The following LHX9 variants were observed in gnomAD, a reference collection of about 807,000 sequenced individuals.
LHX9 encodes the protein LIM/homeobox protein Lhx9.
A neutral mutation model predicts 36.5 loss-of-function variants in LHX9; 9 were observed. The ratio of observed to expected loss-of-function variants is 0.25; its 90% confidence interval spans 0.15 to 0.43. The LOEUF is 0.43. LHX9 is among the 20% of genes least tolerant of loss of function. The probability of loss-of-function intolerance (pLI) is 1.00; values close to 1 mark genes in which losing one functional copy is unlikely to be tolerated. For synonymous variants in LHX9, 211 were observed against 212.1 expected, an observed-to-expected ratio of 0.99 and a Z score of 0.04; for missense variants, 464 against 526.4, an observed-to-expected ratio of 0.88 and a Z score of 1.16.
At position 197,919,139 on chromosome 1, in the gene LHX9, A is replaced by G. The variant is rs75914680; in HGVS notation, c.175-833A>G. Among the ~76,000 whole-genome samples, 80 of 152,342 alleles carry G rather than the reference A, an allele frequency of 5.3e-4. No homozygotes were observed. In the East Asian group the frequency reaches 0.015, roughly 29 times the overall value. On this transcript the variant is annotated intron_variant, in intron 1 of 4. Coordinates refer to ENST00000367387, the MANE Select transcript of LHX9 (RefSeq NM_020204.3). ...CCCTTTTTCTGGTCATCACTTTTAA[A>G]AACAAATAGTAGCAACCCAAACCCA... is the stretch of plus-strand genomic sequence containing the variant.
intron 1 of LHX9, chr1:197,918,262 G>A (rs1385348604): frequency 2.8e-6 from 2 of 716,426 alleles, no homozygotes; most frequent in Non-Finnish European, 2.6e-6. Flanking sequence ...GGTGGGATGG[G>A]GGGTGGTGGC....
In LHX9 at chr1:197,934,609, C is replaced by A. The variant is rs1019865710; in HGVS notation, c.*5350C>A. ...CACAGTAGGACTTAGTCCAAATTGA[C>A]GAAATATCATTGAATTTTCTTTGAA... On this transcript the variant is annotated 3_prime_UTR_variant, in exon 5 of 5. Transcript: ENST00000367387. 1.3e-5 allele frequency: 2 copies of A among 152,020 alleles called. No individual in the cohort carries two copies. The highest frequency in any genetic ancestry group is 4.8e-5 in the African/African-American group (2 of 41,402). The allele number at this position is 152,020 out of a possible 1,614,324, so 9.4% of individuals were successfully genotyped here.
chr1:197,925,588 A>T (rs1233845887), intron 3 of LHX9, among the ~76,000 whole-genome samples: 2 of 152,156 alleles, frequency 1.3e-5, no homozygotes, highest in Non-Finnish European at 2.9e-5. Context: ...TACTGGAGAT[A>T]AGTATAGTTT....
intron 4 of LHX9, 41 bp downstream of exon 4, chr1:197,927,834 C>T: frequency 6.5e-7 from 1 of 1,545,570 alleles, no homozygotes; most frequent in Non-Finnish European, 8.9e-7. Context: ...CATTTCCCTT[C>T]CCCTTCCCAG....
chr1:197,919,920 G>C (rs768644396), intron 1 of LHX9, 52 bp from the exon 2 acceptor site: 27 of 1,587,706 alleles, frequency 1.7e-5, no homozygotes, highest in East Asian at 2.2e-5. Flanking sequence ...ACCCCGCGTC[G>C]TGCGGCTACA....
At position 197,917,486 on chromosome 1, in the gene LHX9, T is replaced by G; in HGVS notation, c.-338T>G. 7.3e-7 allele frequency: 1 copy of G among 1,368,368 alleles called. No homozygotes were observed. 84.8% of individuals were successfully genotyped at this position (1,368,368 alleles called of 1,614,324 possible). ...AACTATTTTCTTTCTTCACCAGATT[T>G]TGTTTTCCTCCCCCCGCTGCAGTTG... is the stretch of plus-strand genomic sequence containing the variant. On this transcript the variant is annotated 5_prime_UTR_variant, in exon 1 of 5. Transcript: ENST00000367387.
At chr1:197,912,707 A>C (rs1179658755), upstream of LHX9, 5 of 836,622 alleles carry the variant, frequency 6.0e-6, no homozygotes, top group Non-Finnish European at 6.2e-6. Context: ...CGCGCTTCGT[A>C]GGCTCAAAAA....
chr1:197,927,488 C>T lies in LHX9; in HGVS notation c.734-103C>T. 3 of 968,334 alleles carry T rather than the reference C, an allele frequency of 3.1e-6. No individual in the cohort carries two copies. The South Asian group carries it at 4.2e-5, about 13-fold the overall frequency. 60.0% of individuals were successfully genotyped at this position (968,334 alleles called of 1,614,324 possible). A position where few individuals can be genotyped will look rare whatever the true frequency, so the allele number is the denominator to read the frequency against. ...TCATAATTGGGTTGACAACCTTTTTCACTGCTGCTTTATTACCATAGCAGT... is the reference window on the plus strand; with the variant it reads ...TCATAATTGGGTTGACAACCTTTTTTACTGCTGCTTTATTACCATAGCAGT... On this transcript the variant is annotated intron_variant, in intron 3 of 4. Coordinates refer to ENST00000367387, the MANE Select transcript of LHX9 (RefSeq NM_020204.3).
chr1:197,918,558 C>T (rs1263411367), intron 1 of LHX9: 4 of 593,492 alleles, frequency 6.7e-6, no homozygotes, highest in Non-Finnish European at 1.2e-5. Context: ...GACTCAGTCC[C>T]TCTAAGGAGA....
Position 197,933,741 on chromosome 1 carries a change from C to A in LHX9, c.*4482C>A, listed in dbSNP as rs1474702443. 22 of 122,630 alleles carry A rather than the reference C, an allele frequency of 1.8e-4. No homozygotes were observed. The highest frequency in any genetic ancestry group is 5.8e-4 in the African/African-American group (19 of 32,934). 7.6% of individuals were successfully genotyped at this position (122,630 alleles called of 1,614,324 possible). On this transcript the variant is annotated 3_prime_UTR_variant, in exon 5 of 5. Coordinates refer to ENST00000367387, the MANE Select transcript of LHX9 (RefSeq NM_020204.3). Reference sequence around the variant, plus strand: ...TTGAAACAGGCACATTTTTTAAAACCAAAAAAAAAAAAAAAAAGAGAGAGA... The same window carrying A: ...TTGAAACAGGCACATTTTTTAAAACAAAAAAAAAAAAAAAAAAGAGAGAGA...
chr1:197,917,965 G>A lies in LHX9; in HGVS notation c.142G>A (p.Ala48Thr), dbSNP rs113693840. Residue 48 changes from alanine (A) to threonine (T), a missense_variant, in exon 1 of 5, where the codon GCC becomes ACC. By Grantham distance (58) the Ala-to-Thr change is moderately conservative (BLOSUM62 0). Transcript: ENST00000367387. ...CAGATCCAAGACTGAGGCCCGTCTG[G>A]CCAAAGGCGCCCAGCTCAACGGCCG... ...ERRSKTEARLAKGAQLNGRDA... is the reference protein window; with the variant it reads ...ERRSKTEARLTKGAQLNGRDA... The A allele has an allele frequency of 5.3e-4, 863 of 1,613,824 alleles. No homozygotes were observed. In the African/African-American group the frequency reaches 9.8e-3, roughly 18 times the overall value.
rs576950776 is a variant in LHX9 at position 197,921,577 on chromosome 1, C to T, written c.651C>T (p.Asn217=). 4 of 1,612,290 alleles carry T rather than the reference C, an allele frequency of 2.5e-6. No homozygotes were observed. The South Asian group carries it at 3.3e-5, about 13-fold the overall frequency. The stretch of plus-strand genomic sequence containing the variant: ...GCGGCCTGGCCCTGCCTTACTTCAA[C>T]GGTACGGGCACCGTGCAGAAAGGGC... ...KSGGLALPYF[N]GTGTVQKGRP... The change falls in exon 3 of 5, where the codon AAC becomes AAT. Residue 217 remains asparagine, a synonymous_variant. Coordinates refer to ENST00000367387, the MANE Select transcript of LHX9 (RefSeq NM_020204.3). This position sits in a 1 kb window ranked among gnomAD's most constrained non-coding sequence, Gnocchi z 4.6.
chr1:197,913,884 G>A (rs1421205738), upstream of LHX9, among the ~76,000 whole-genome samples: 1 of 152,200 alleles, frequency 6.6e-6, no homozygotes, highest in East Asian at 1.9e-4. Context: ...CTCAAAATAT[G>A]CACATTTGTT....
chr1:197,928,125 A>G (rs1344612480), intron 4 of LHX9, among the ~76,000 whole-genome samples: 1 of 152,156 alleles, frequency 6.6e-6, no homozygotes, highest in African/African-American at 2.4e-5. Flanking sequence ...CATTAATATT[A>G]TGCTCAGTGC....
Position 197,931,991 on chromosome 1 carries a change from G to C in LHX9, c.*2732G>C, listed in dbSNP as rs1660336923. On this transcript the variant is annotated 3_prime_UTR_variant, in exon 5 of 5. Transcript: ENST00000367387. ...AATTCCCTAAAGTATTAAAAGAAGG[G>C]GAAAAGTTTGATCGGAAATCCACTG... is the stretch of plus-strand genomic sequence containing the variant. The C allele has an allele frequency of 6.5e-7, 1 of 1,531,196 alleles. No individual in the cohort carries two copies. Among genetic ancestry groups the C allele is most frequent in the Non-Finnish European group, 8.8e-7 (1 of 1,131,794 alleles). The allele number at this position is 1,531,196 out of a possible 1,614,324, so 94.9% of individuals were successfully genotyped here.
In LHX9 at chr1:197,927,592, T is replaced by G; in HGVS notation, c.735T>G (p.Gly245=). The change falls in exon 4 of 5, where the codon GGT becomes GGG. Residue 245 remains glycine, a splice_region_variant and synonymous_variant. Coordinates refer to ENST00000367387, the MANE Select transcript of LHX9 (RefSeq NM_020204.3). The part of the protein sequence containing the change: ...LGVDIVNYNS[G]CNENEADHLD... ...GTTTGTTCACTGTTACTGCAACAGG[T>G]TGTAATGAGAATGAGGCAGACCACT... is the stretch of plus-strand genomic sequence containing the variant. 6.2e-7 allele frequency: 1 copy of G among 1,614,016 alleles called. No individual in the cohort carries two copies.
In LHX9 at chr1:197,932,159, C is replaced by T. The variant is rs1253630119; in HGVS notation, c.*2900C>T. The T allele has an allele frequency of 1.9e-5, 9 of 464,512 alleles. No individual in the cohort carries two copies. Among genetic ancestry groups the T allele is most frequent in the Non-Finnish European group, 3.5e-5 (9 of 259,666 alleles). The allele number at this position is 464,512 out of a possible 1,614,324, so 28.8% of individuals were successfully genotyped here. The stretch of plus-strand genomic sequence containing the variant: ...GTGTTCTTTATGGTGTCTAACACAA[C>T]TGAAGGCCTAAAATTATGTGGTTTA... On this transcript the variant is annotated 3_prime_UTR_variant, in exon 5 of 5. Coordinates refer to ENST00000367387, the MANE Select transcript of LHX9 (RefSeq NM_020204.3).
chr1:197,928,964 G>T, intron 4 of LHX9, 38 bp from the exon 5 acceptor site: 1 of 1,448,946 alleles, frequency 6.9e-7, no homozygotes, highest in South Asian at 1.6e-5. Flanking sequence ...ATATAAAAAT[G>T]AACATCGGTA....
rs762754035 is a variant in LHX9, at chr1:197,918,030, G to A, written c.174+33G>A. Reference sequence around the variant, plus strand: ...AGGGCTCCGCCGCGGCGGTAGCCGGGCACCCCTGCGCCCTCTGTTAAACCA... The same window carrying A: ...AGGGCTCCGCCGCGGCGGTAGCCGGACACCCCTGCGCCCTCTGTTAAACCA... On this transcript the variant is annotated intron_variant, in intron 1 of 4. Coordinates refer to ENST00000367387, the MANE Select transcript of LHX9 (RefSeq NM_020204.3). 3.1e-6 allele frequency: 5 copies of A among 1,595,620 alleles called. No individual in the cohort carries two copies. In the South Asian group the frequency reaches 4.5e-5, roughly 14 times the overall value.
Sources: gnomAD v4.1 joint callset for allele counts (sites outside exome capture counted in the v4.1 genomes callset) on GRCh38, gnomAD v4.1.1 for gene constraint, Gnocchi (gnomAD v3.1) non-coding constraint, MANE v1.5 for transcripts, NCBI Gene and HGNC (gene_info 2026-07-23, HGNC 2026-07-21) for gene names.